CDKL5: variants seen among roughly 807,000 people sequenced by gnomAD.
The protein encoded by CDKL5 is cyclin dependent kinase like 5.
Under a neutral mutation model 61.7 loss-of-function variants are expected in CDKL5, and 8 were observed. That is an observed-to-expected ratio of 0.13 (90% CI 0.08 to 0.23). The LOEUF (loss-of-function observed/expected upper bound fraction) is 0.23. Among genes scored for constraint, CDKL5 ranks in the 10% least tolerant of loss-of-function variants. CDKL5 has a pLI of 1.00. For missense variants in CDKL5, 440 were observed against 734.5 expected (o/e 0.60, Z 4.63); for synonymous variants, 275 against 272.3 (o/e 1.01, Z -0.10).
chrX:18,521,606 G>A (rs1923245724), intron 3 of CDKL5, among the ~76,000 whole-genome samples: 1 of 111,530 alleles, frequency 9.0e-6, no homozygotes, highest in African/African-American at 3.3e-5. Context: ...TTGTTACATG[G>A]GTTTATTTGC....
intron 1 of CDKL5, among the ~76,000 whole-genome samples, chrX:18,449,564 G>A (rs929061784): frequency 8.9e-6 from 1 of 112,298 alleles, no homozygotes; most frequent in Non-Finnish European, 1.9e-5. Flanking sequence ...TGCTACACTT[G>A]TGAAAGATGT....
chrX:18,430,209 A>C (rs1423868865), intron 1 of CDKL5, among the ~76,000 whole-genome samples: 1 of 112,354 alleles, frequency 8.9e-6, no homozygotes, highest in Admixed American at 9.5e-5. Flanking sequence ...AGTTGTTTCT[A>C]ATTAGCTACT....
chrX:18,468,831 A>G (rs1032979008), intron 1 of CDKL5, among the ~76,000 whole-genome samples: 1 of 111,247 alleles, frequency 9.0e-6, no homozygotes, highest in African/African-American at 3.3e-5. Flanking sequence ...GTATTGAAGT[A>G]TGGTTCTTAC....
intron 9 of CDKL5, among the ~76,000 whole-genome samples, chrX:18,591,840 C>T (rs1323915045): frequency 2.7e-5 from 3 of 111,596 alleles, no homozygotes; most frequent in South Asian, 3.8e-4. Flanking sequence ...CTAGACTATT[C>T]GAGGGGAAAC....
At chrX:18,457,984 G>A (rs1238684573) in intron 1 of CDKL5, among the ~76,000 whole-genome samples, 4 of 92,323 alleles carry the variant, frequency 4.3e-5, no homozygotes, top group Admixed American at 1.3e-4. Context: ...GCAATGGTGC[G>A]ATCTCGACTC....
At chrX:18,452,437 T>G (rs1162681188) in intron 1 of CDKL5, among the ~76,000 whole-genome samples, 8 of 111,011 alleles carry the variant, frequency 7.2e-5, no homozygotes, top group African/African-American at 2.3e-4. Flanking sequence ...TTTTTTTTAT[T>G]TTTTTTGAGA....
In CDKL5 at chrX:18,594,909, G is replaced by A. The variant is rs1925941313; in HGVS notation, c.745-439G>A. On this transcript the variant is annotated intron_variant, in intron 9 of 17. Coordinates refer to ENST00000623535, the MANE Select transcript of CDKL5 (RefSeq NM_001323289.2). Reference sequence around the variant, plus strand: ...TATAAAAATACATAGACGGCCGGGTGTGGTGGCTCACGCCTGTAATCCCAG... The same window carrying A: ...TATAAAAATACATAGACGGCCGGGTATGGTGGCTCACGCCTGTAATCCCAG... 3.6e-5 allele frequency among the ~76,000 whole-genome samples: 4 copies of A among 112,446 alleles called. No homozygotes were observed. In the Admixed American group the frequency reaches 3.8e-4, roughly 11 times the overall value.
chrX:18,588,470 T>C (rs1238010476), intron 9 of CDKL5: 3 of 177,477 alleles, frequency 1.7e-5, no homozygotes, highest in African/African-American at 9.3e-5. Context: ...CCCCCAAATA[T>C]ACCAAATGTA....
Position 18,590,587 on chromosome X carries a change from C to T in CDKL5, c.744+2444C>T, listed in dbSNP as rs1477306293. ...ATGCCAGTATCTTTTTTATCTCCTG[C>T]TTTTTGTCTGTCTTTCACATCTGTC... On this transcript the variant is annotated intron_variant, in intron 9 of 17. Coordinates refer to ENST00000623535, the MANE Select transcript of CDKL5 (RefSeq NM_001323289.2). 2.7e-5 allele frequency among the ~76,000 whole-genome samples: 3 copies of T among 111,795 alleles called. No homozygotes were observed. The East Asian group carries it at 8.5e-4, about 32-fold the overall frequency.
chrX:18,476,798 C>T lies in CDKL5; in HGVS notation c.-162-30137C>T, dbSNP rs1013537827. 5.4e-5 allele frequency among the ~76,000 whole-genome samples: 6 copies of T among 111,225 alleles called. No individual in the cohort carries two copies. In the East Asian group the frequency reaches 1.4e-3, roughly 26 times the overall value. On this transcript the variant is annotated intron_variant, in intron 1 of 17. Coordinates refer to ENST00000623535, the MANE Select transcript of CDKL5 (RefSeq NM_001323289.2). ...TCTTTTTTTTTTTGAGACGGAGTCTCGCTCTGTCGCCATGCTGGAGTGCAG... is the reference window on the plus strand; with the variant it reads ...TCTTTTTTTTTTTGAGACGGAGTCTTGCTCTGTCGCCATGCTGGAGTGCAG...
chrX:18,510,728 G>C, intron 2 of CDKL5, 92 bp from the exon 3 acceptor site: 1 of 711,874 alleles, frequency 1.4e-6, no homozygotes, highest in Non-Finnish European at 2.2e-6. Flanking sequence ...CACTTTAGTA[G>C]TCATTATTAT....
intron 1 of CDKL5, among the ~76,000 whole-genome samples, chrX:18,441,609 C>G (rs1473785367): frequency 9.0e-6 from 1 of 111,212 alleles, no homozygotes; most frequent in Non-Finnish European, 1.9e-5. Flanking sequence ...TTCACTGTTA[C>G]ATTGGGCTGG....
intron 8 of CDKL5, 199 bp from the exon 9 acceptor site, chrX:18,587,755 T>C: frequency 2.3e-6 from 1 of 442,591 alleles, no homozygotes; most frequent in South Asian, 3.4e-5. Context: ...TAAATTGTTA[T>C]TAAATTGATG....
chrX:18,507,674 C>T (rs902942972), intron 2 of CDKL5, among the ~76,000 whole-genome samples: 2 of 110,712 alleles, frequency 1.8e-5, no homozygotes, highest in Admixed American at 1.9e-4. Flanking sequence ...TGGGTTCAAG[C>T]GATTCTCCTG....
chrX:18,606,577 G>C (rs1473930979), intron 12 of CDKL5, among the ~76,000 whole-genome samples: 1 of 112,471 alleles, frequency 8.9e-6, no homozygotes, highest in Non-Finnish European at 1.9e-5. Context: ...AAGGGAGCGA[G>C]ACAGTCCAAG....
chrX:18,516,105 A>G (rs1483988586), intron 3 of CDKL5, among the ~76,000 whole-genome samples: 1 of 109,538 alleles, frequency 9.1e-6, no homozygotes, highest in Non-Finnish European at 1.9e-5. Context: ...CTTATACCTC[A>G]GCCTTCCGAG....
Position 18,634,052 on chromosome X carries a change from C to T in CDKL5, c.*5295C>T. 2.7e-6 allele frequency: 2 copies of T among 754,268 alleles called. No homozygotes were observed. The highest frequency in any genetic ancestry group is 3.1e-6 in the Non-Finnish European group (2 of 639,371). The allele number at this position is 754,268 out of a possible 1,213,427, so 62.2% of individuals were successfully genotyped here. A position where few individuals can be genotyped will look rare whatever the true frequency, so the allele number is the denominator to read the frequency against. The stretch of plus-strand genomic sequence containing the variant: ...AACTAGTTTCACTTCTAAAGCCCTT[C>T]ATTTCCCACAAGGTTAAGCTCTCGA... On this transcript the variant is annotated 3_prime_UTR_variant, in exon 18 of 18. Coordinates refer to ENST00000623535, the MANE Select transcript of CDKL5 (RefSeq NM_001323289.2).
At chrX:18,449,247 C>A (rs1052461831) in intron 1 of CDKL5, among the ~76,000 whole-genome samples, 2 of 112,244 alleles carry the variant, frequency 1.8e-5, no homozygotes, top group African/African-American at 6.5e-5. Flanking sequence ...GAGAGCATCT[C>A]CTAGATTCTC....
intron 13 of CDKL5, 76 bp downstream of exon 13, chrX:18,608,988 C>A: frequency 1.5e-6 from 1 of 681,073 alleles, no homozygotes; most frequent in Middle Eastern, 3.0e-4. Flanking sequence ...GTATTAATAC[C>A]CAGTCTCCCA....
Sources: gnomAD v4.1 joint callset for allele counts (sites outside exome capture counted in the v4.1 genomes callset) on GRCh38, gnomAD v4.1.1 for gene constraint, MANE v1.5 for transcripts, NCBI Gene and HGNC (gene_info 2026-07-23, HGNC 2026-07-21) for gene names.